Variants in TTLL4 observed in about 807,000 individuals in gnomAD.
The protein encoded by TTLL4 is tubulin monoglutamylase TTLL4.
TTLL4 carries 85 observed loss-of-function variants against 122.7 expected under a neutral mutation model. The observed-to-expected ratio is 0.69, with a 90% CI of 0.58 to 0.83. The LOEUF (loss-of-function observed/expected upper bound fraction) is 0.83, where lower values mean the gene tolerates loss of function less well. TTLL4 is among the 40% of genes least tolerant of loss of function. The pLI is 0.00. For synonymous variants in TTLL4, 553 were observed against 563.0 expected, an observed-to-expected ratio of 0.98 and a Z score of 0.25; for missense variants, 1,363 against 1,488.6, an observed-to-expected ratio of 0.92 and a Z score of 1.39.
chr2:218,757,425 A>C (rs964038194), downstream of TTLL4, among the ~76,000 whole-genome samples: 1 of 152,232 alleles, frequency 6.6e-6, no homozygotes, highest in African/African-American at 2.4e-5. Context: ...GAAAGGAAGC[A>C]CATTAAGCAT....
intron 2 of TTLL4, among the ~76,000 whole-genome samples, chr2:218,729,515 C>T (rs762020403): frequency 2.5e-4 from 38 of 151,812 alleles, no homozygotes; most frequent in Non-Finnish European, 4.4e-4. Flanking sequence ...TTCTACACTG[C>T]CATTTTGGAA....
intron 1 of TTLL4, among the ~76,000 whole-genome samples, chr2:218,714,352 A>G (rs917243313): frequency 6.6e-6 from 1 of 152,354 alleles, no homozygotes; most frequent in East Asian, 1.9e-4. Context: ...AATCCATCTG[A>G]TACTCATGTT....
intron 16 of TTLL4, 76 bp downstream of exon 16, chr2:218,751,882 CTTTTCTTTTTTTTTTTCTTTTCT>C (rs1344961998): frequency 2.2e-5 from 14 of 624,536 alleles, no homozygotes; most frequent in Admixed American, 4.5e-5. Context: ...AAGCAAACAG[CTTTTCTTTTTTTTTTTCTTTTCT>C]TTTTCTTTTT....
chr2:218,714,359 T>C (rs757331878), intron 1 of TTLL4, among the ~76,000 whole-genome samples: 6 of 152,256 alleles, frequency 3.9e-5, no homozygotes, highest in Non-Finnish European at 8.8e-5. Context: ...CTGATACTCA[T>C]GTTTTGGAGT....
Position 218,750,271 on chromosome 2 carries a change from A to G in TTLL4, c.2873+125A>G, listed in dbSNP as rs142568122. ...CCCCTTGCTGCTCAATCTTGCCCCT[A>G]CAGTCCACTAACATGCTACCATGCC... On this transcript the variant is annotated intron_variant, in intron 15 of 19. Transcript: ENST00000392102. 8.3e-5 allele frequency: 111 copies of G among 1,331,726 alleles called. No homozygotes were observed. In the African/African-American group the frequency reaches 1.4e-3, roughly 17 times the overall value. 82.5% of individuals were successfully genotyped at this position (1,331,726 alleles called of 1,614,324 possible).
In TTLL4 at chr2:218,737,821, G is replaced by A. The variant is rs1374246131; in HGVS notation, c.145G>A (p.Val49Met). 1 of 1,614,264 alleles carries A rather than the reference G, an allele frequency of 6.2e-7. No individual in the cohort carries two copies. The highest frequency in any genetic ancestry group is 8.5e-7 in the Non-Finnish European group (1 of 1,180,052). Residue 49 changes from valine to methionine, a missense_variant, in exon 3 of 20, where the codon GTG becomes ATG. Val to Met is a conservative substitution (Grantham distance 21, BLOSUM62 1). Coordinates refer to ENST00000392102, the MANE Select transcript of TTLL4 (RefSeq NM_014640.5). Reference protein sequence around the residue: ...GRVWPQAHQQVKPIWKLEKKQ... With the variant: ...GRVWPQAHQQMKPIWKLEKKQ... The stretch of plus-strand genomic sequence containing the variant: ...AGTCTGGCCTCAGGCCCATCAGCAA[G>A]TGAAGCCAATCTGGAAGCTGGAAAA...
In TTLL4 at chr2:218,753,132, A is replaced by G. The variant is rs747867167; in HGVS notation, c.3205A>G (p.Ser1069Gly). 1.9e-6 allele frequency: 3 copies of G among 1,613,910 alleles called. No individual in the cohort carries two copies. The highest frequency in any genetic ancestry group is 2.2e-5 in the East Asian group (1 of 44,848). The change falls in exon 18 of 20, where the codon AGT becomes GGT. Residue 1069 changes from serine (S) to glycine (G), a missense_variant. Physicochemically the swap from Ser to Gly is moderately conservative, Grantham distance 56 (BLOSUM62 0). Transcript: ENST00000392102. ...TGTCCTAGGAGTAGATCTGCTCCGGAGTTGGTGCTACAAAGGGTTCCACAT... is the reference window on the plus strand; with the variant it reads ...TGTCCTAGGAGTAGATCTGCTCCGGGGTTGGTGCTACAAAGGGTTCCACAT... ...NKLKGVDLLR[S>G]WCYKGFHMGV...
At chr2:218,732,259 A>G (rs763087293) in intron 2 of TTLL4, among the ~76,000 whole-genome samples, 12 of 152,208 alleles carry the variant, frequency 7.9e-5, no homozygotes, top group Non-Finnish European at 1.6e-4. Context: ...AGTTTTTGAA[A>G]TGGGCTTCCA....
chr2:218,753,481 C>A, intron 18 of TTLL4, 103 bp from the exon 19 acceptor site: 4 of 1,171,316 alleles, frequency 3.4e-6, no homozygotes, highest in Admixed American at 1.7e-5. Context: ...AGGGGAGAAC[C>A]CCATGATCCA....
At chr2:218,724,870 A>C (rs1180804617) in intron 1 of TTLL4, among the ~76,000 whole-genome samples, 1 of 152,062 alleles carries the variant, frequency 6.6e-6, no homozygotes, top group African/African-American at 2.4e-5. Flanking sequence ...TGTGAGACTT[A>C]TAAAAAACAG....
At chr2:218,728,316 A>G (rs1005741783) in intron 2 of TTLL4, among the ~76,000 whole-genome samples, 4 of 152,238 alleles carry the variant, frequency 2.6e-5, no homozygotes, top group African/African-American at 9.6e-5. Flanking sequence ...CTGAAACTAG[A>G]TGGTCCCATC....
intron 2 of TTLL4, among the ~76,000 whole-genome samples, chr2:218,728,689 A>G (rs1341686119): frequency 2.0e-5 from 3 of 152,318 alleles, no homozygotes; most frequent in Admixed American, 2.0e-4. Context: ...AAGGCTGACT[A>G]GGGATTTGTG....
intron 15 of TTLL4, 85 bp downstream of exon 15, chr2:218,750,231 C>T: frequency 6.5e-7 from 1 of 1,529,070 alleles, no homozygotes; most frequent in Non-Finnish European, 8.7e-7. Flanking sequence ...TCTGGGTGCT[C>T]CCTTCTGCCA....
downstream of TTLL4, among the ~76,000 whole-genome samples, chr2:218,756,468 A>G (rs1181987487): frequency 1.3e-5 from 2 of 152,206 alleles, no homozygotes; most frequent in Non-Finnish European, 2.9e-5. Flanking sequence ...CTTAATTTTC[A>G]TCACATTTGA....
intron 12 of TTLL4, 182 bp from the exon 13 acceptor site, chr2:218,748,654 C>CAAAA (rs570493846): frequency 9.7e-4 from 222 of 229,322 alleles, no homozygotes; most frequent in South Asian, 1.8e-3. Context: ...AACTCCATCT[C>CAAAA]AAAAAAAAAA....
chr2:218,752,994 T>G, intron 17 of TTLL4, 21 bp downstream of exon 17: 1 of 1,614,162 alleles, frequency 6.2e-7, no homozygotes, highest in South Asian at 1.1e-5. Flanking sequence ...CTCCCTGCCC[T>G]CAGAAAGCCA....
chr2:218,757,165 T>C (rs773494406), downstream of TTLL4, among the ~76,000 whole-genome samples: 6 of 152,212 alleles, frequency 3.9e-5, no homozygotes, highest in Non-Finnish European at 7.3e-5. Flanking sequence ...CTCCACTTGC[T>C]GTCCAAGCCC....
intron 7 of TTLL4, 57 bp from the exon 8 acceptor site, chr2:218,746,098 C>T (rs1392658772): frequency 6.2e-7 from 1 of 1,602,244 alleles, no homozygotes; most frequent in Non-Finnish European, 8.6e-7. Flanking sequence ...CTCTGGGCCT[C>T]TCTCTGTCCC....
chr2:218,753,163 T>C lies in TTLL4; in HGVS notation c.3236T>C (p.Val1079Ala). Residue 1079 changes from valine to alanine, a missense_variant, in exon 18 of 20, where the codon GTT becomes GCT. Val to Ala is a moderately conservative substitution (Grantham distance 64). Coordinates refer to ENST00000392102, the MANE Select transcript of TTLL4 (RefSeq NM_014640.5). ...SWCYKGFHMG[V>A]VSDSAPVWSL... ...TGCTACAAAGGGTTCCACATGGGAG[T>C]TGTCTCTGATTCTGCTCCAGTGGTG... is the stretch of plus-strand genomic sequence containing the variant. 1 of 1,614,026 alleles carries C rather than the reference T, an allele frequency of 6.2e-7. No individual in the cohort carries two copies. Among genetic ancestry groups the C allele is most frequent in the Non-Finnish European group, 8.5e-7 (1 of 1,179,994 alleles).
Sources: allele counts gnomAD v4.1 joint callset (sites outside exome capture counted in the v4.1 genomes callset), GRCh38; gene constraint gnomAD v4.1.1; transcripts MANE v1.5; gene names NCBI Gene and HGNC (gene_info 2026-07-23, HGNC 2026-07-21).